The following MBNL2 variants were observed in gnomAD, a reference collection of about 807,000 sequenced individuals.
The protein encoded by MBNL2 is muscleblind like splicing regulator 2, also known as muscleblind-like protein 2.
Under a neutral mutation model 41.9 loss-of-function variants are expected in MBNL2, and 17 were observed. The observed-to-expected ratio is 0.41, with a 90% confidence interval of 0.28 to 0.61. MBNL2 has a LOEUF of 0.61. Ranked by LOEUF, MBNL2 falls within the 20% of genes least tolerant of loss-of-function variation. The probability of loss-of-function intolerance (pLI) is 0.35; values close to 1 mark genes in which losing one functional copy is unlikely to be tolerated. For missense variants in MBNL2, 336 were observed against 505.6 expected (o/e 0.66, Z 3.22); for synonymous variants, 195 against 182.9 (o/e 1.07, Z -0.53).
chr13:97,372,897 G>A (rs1410324877), intron 8 of MBNL2, among the ~76,000 whole-genome samples: 1 of 152,158 alleles, frequency 6.6e-6, no homozygotes, highest in Non-Finnish European at 1.5e-5. Flanking sequence ...AATGCCATCT[G>A]TCTGGACTAT....
At chr13:97,198,974 G>A in the MBNL2 span, among the ~76,000 whole-genome samples, 1 of 152,056 alleles carries the variant, frequency 6.6e-6, no homozygotes. Context: ...ACCCTCCAGT[G>A]GCGTCCCATG....
At chr13:97,292,980 AT>A (rs1283010224) in intron 2 of MBNL2, among the ~76,000 whole-genome samples, 1 of 151,894 alleles carries the variant, frequency 6.6e-6, no homozygotes, top group East Asian at 1.9e-4. Flanking sequence ...TGTCTGTTTT[AT>A]TTGAAGAACC....
At chr13:97,279,004 C>T (rs1395700008) in intron 2 of MBNL2, among the ~76,000 whole-genome samples, 1 of 152,140 alleles carries the variant, frequency 6.6e-6, no homozygotes, top group Admixed American at 6.5e-5. Flanking sequence ...GAAGTAAGCA[C>T]GGTCTGTAGC....
intron 7 of MBNL2, among the ~76,000 whole-genome samples, chr13:97,364,790 T>G (rs1226879912): frequency 6.6e-6 from 1 of 152,218 alleles, no homozygotes. Context: ...AATACCTACT[T>G]CCTACCTTGG....
chr13:97,317,044 A>G (rs1174087882), intron 2 of MBNL2, among the ~76,000 whole-genome samples: 1 of 152,222 alleles, frequency 6.6e-6, no homozygotes, highest in African/African-American at 2.4e-5. Context: ...ACTGTCACAC[A>G]TCTGATGGCC....
intron 5 of MBNL2, among the ~76,000 whole-genome samples, chr13:97,355,107 A>C (rs2062872223): frequency 6.6e-6 from 1 of 152,246 alleles, no homozygotes; most frequent in Admixed American, 6.5e-5. Flanking sequence ...CAAGGAAAGA[A>C]TATCCAGTAC....
the MBNL2 span, among the ~76,000 whole-genome samples, chr13:97,202,906 G>C: frequency 2.6e-5 from 4 of 152,312 alleles, no homozygotes; most frequent in Non-Finnish European, 4.4e-5. Flanking sequence ...TGTGCTGTCT[G>C]TCACAGCCAG....
chr13:97,314,757 G>A (rs2058894076), intron 2 of MBNL2, among the ~76,000 whole-genome samples: 1 of 152,180 alleles, frequency 6.6e-6, no homozygotes. Context: ...AAGTAGGAGG[G>A]AGGAGGTTGG....
intron 5 of MBNL2, among the ~76,000 whole-genome samples, chr13:97,352,035 T>TAAATAAATAAATAA (rs374531995): frequency 6.7e-6 from 1 of 148,634 alleles, no homozygotes; most frequent in African/African-American, 2.5e-5. Context: ...AAAATAAAAA[T>TAAATAAATAAATAA]ATAAATAAAT....
chr13:97,374,467 C>T (rs1475745258), intron 8 of MBNL2, among the ~76,000 whole-genome samples: 2 of 151,380 alleles, frequency 1.3e-5, no homozygotes, highest in African/African-American at 4.9e-5. Flanking sequence ...AATCTTGGCT[C>T]ACTGCAACCT....
intron 2 of MBNL2, among the ~76,000 whole-genome samples, chr13:97,318,152 T>A (rs1023388360): frequency 6.6e-6 from 1 of 152,176 alleles, no homozygotes; most frequent in Non-Finnish European, 1.5e-5. Context: ...AAAATGGGCA[T>A]AAAAATAAGA....
chr13:97,211,881 A>G, the MBNL2 span, among the ~76,000 whole-genome samples: 1 of 152,214 alleles, frequency 6.6e-6, no homozygotes, highest in African/African-American at 2.4e-5. Context: ...TTAATTTATC[A>G]AGACTATATG....
intron 5 of MBNL2, among the ~76,000 whole-genome samples, chr13:97,355,958 C>T (rs948511882): frequency 3.9e-5 from 6 of 152,122 alleles, no homozygotes; most frequent in South Asian, 2.1e-4. Flanking sequence ...TAGTATAATC[C>T]GGTAAGTTTT....
the MBNL2 span, among the ~76,000 whole-genome samples, chr13:97,190,118 A>G: frequency 6.6e-6 from 1 of 152,252 alleles, no homozygotes; most frequent in African/African-American, 2.4e-5. Context: ...CTATCTTAGC[A>G]TGGCAGAAAG....
chr13:97,389,580 G>A (rs760594973), intron 8 of MBNL2, among the ~76,000 whole-genome samples: 3 of 151,928 alleles, frequency 2.0e-5, no homozygotes, highest in African/African-American at 7.3e-5. Flanking sequence ...GTGGTGCGTG[G>A]TTGTAGTCCC....
intron 1 of MBNL2, among the ~76,000 whole-genome samples, chr13:97,251,448 C>A (rs980955764): frequency 2.6e-5 from 4 of 152,024 alleles, no homozygotes; most frequent in Non-Finnish European, 5.9e-5. Context: ...CTTTCTTAAC[C>A]CTGCTTTAAG....
chr13:97,219,269 A>G (rs533553652), upstream of MBNL2, among the ~76,000 whole-genome samples: 162 of 152,352 alleles, frequency 1.1e-3, 1 homozygote, highest in Middle Eastern at 3.4e-3. Context: ...CCTGTGGGTC[A>G]GGGAAGGGTT....
chr13:97,151,142 C>T, the MBNL2 span, among the ~76,000 whole-genome samples: 1 of 152,156 alleles, frequency 6.6e-6, no homozygotes, highest in Non-Finnish European at 1.5e-5. Context: ...CTTGGCAGAT[C>T]CCAGAAAGCT....
chr13:97,262,769 T>A (rs1295530160), intron 1 of MBNL2, among the ~76,000 whole-genome samples: 3 of 151,872 alleles, frequency 2.0e-5, no homozygotes, highest in Non-Finnish European at 2.9e-5. Context: ...CTTTTTTTTT[T>A]AATAATTTTT....
Sources: gnomAD v4.1 joint callset for allele counts (sites outside exome capture counted in the v4.1 genomes callset) on GRCh38, gnomAD v4.1.1 for gene constraint, MANE v1.5 for transcripts, NCBI Gene and HGNC (gene_info 2026-07-23, HGNC 2026-07-21) for gene names.